The following SLC30A8 variants were observed in gnomAD, a reference collection of about 807,000 sequenced individuals.
The protein encoded by SLC30A8 is proton-coupled zinc antiporter SLC30A8.
A neutral mutation model predicts 36.9 loss-of-function variants in SLC30A8; 27 were observed. The observed-to-expected ratio is 0.73, with a 90% confidence interval of 0.54 to 1.01. The LOEUF is 1.01. SLC30A8 is among the 50% of genes least tolerant of loss of function. The pLI is 0.00. For synonymous variants in SLC30A8, 164 were observed against 172.4 expected, an observed-to-expected ratio of 0.95 and a Z score of 0.38; for missense variants, 439 against 452.0, an observed-to-expected ratio of 0.97 and a Z score of 0.26.
At chr8:117,114,855 C>A (rs183526517) in intron 2 of SLC30A8, among the ~76,000 whole-genome samples, 2,217 of 152,098 alleles carry the variant, frequency 0.015, 47 homozygotes, top group African/African-American at 0.047. Flanking sequence ...ATACTTTAGG[C>A]TCTGTAAGTT....
At chr8:117,101,452 T>C (rs931361387) in intron 2 of SLC30A8, among the ~76,000 whole-genome samples, 1 of 152,174 alleles carries the variant, frequency 6.6e-6, no homozygotes, top group African/African-American at 2.4e-5. Context: ...ATACTGCCTG[T>C]GATCAGCCAC....
chr8:117,085,529 G>T (rs934555349), intron 2 of SLC30A8, among the ~76,000 whole-genome samples: 1 of 152,162 alleles, frequency 6.6e-6, no homozygotes, highest in Non-Finnish European at 1.5e-5. Context: ...ATCTTAGAAT[G>T]TCATGGGACA....
chr8:117,092,293 A>C (rs1201878806), intron 2 of SLC30A8, among the ~76,000 whole-genome samples: 1 of 152,222 alleles, frequency 6.6e-6, no homozygotes, highest in Non-Finnish European at 1.5e-5. Context: ...ATTGCATGAT[A>C]TAAAGATAAA....
At chr8:117,114,251 G>C (rs1400169385) in intron 2 of SLC30A8, among the ~76,000 whole-genome samples, 2 of 152,068 alleles carry the variant, frequency 1.3e-5, no homozygotes, top group Non-Finnish European at 2.9e-5. Flanking sequence ...AATGAGATTA[G>C]GATTTGAATG....
intron 2 of SLC30A8, among the ~76,000 whole-genome samples, chr8:117,090,617 G>A (rs1563588859): frequency 6.6e-6 from 1 of 152,176 alleles, no homozygotes; most frequent in Non-Finnish European, 1.5e-5. Flanking sequence ...TCCCATTAAT[G>A]AGGGTTCTGC....
At chr8:117,044,686 T>G (rs1276113703) in intron 2 of SLC30A8, among the ~76,000 whole-genome samples, 1 of 152,202 alleles carries the variant, frequency 6.6e-6, no homozygotes, top group Non-Finnish European at 1.5e-5. Context: ...AATAGGGCTC[T>G]CTTCTTTTTA....
chr8:117,148,103 T>G (rs1350111803), intron 2 of SLC30A8, among the ~76,000 whole-genome samples: 1 of 152,100 alleles, frequency 6.6e-6, no homozygotes, highest in Non-Finnish European at 1.5e-5. Context: ...AGAGATGTTT[T>G]AAATTTTATA....
intron 2 of SLC30A8, among the ~76,000 whole-genome samples, chr8:117,069,679 G>T (rs1454307100): frequency 6.6e-6 from 1 of 152,136 alleles, no homozygotes; most frequent in Non-Finnish European, 1.5e-5. Context: ...TATCATGAAG[G>T]CTGGGTTTGA....
chr8:117,127,853 A>G (rs561749692), intron 2 of SLC30A8, among the ~76,000 whole-genome samples: 2 of 152,182 alleles, frequency 1.3e-5, no homozygotes, highest in South Asian at 2.1e-4. Context: ...ATGAATTTAT[A>G]TACTTTAAGG....
intron 1 of SLC30A8, among the ~76,000 whole-genome samples, chr8:117,016,306 T>C (rs1294946646): frequency 6.6e-6 from 1 of 152,190 alleles, no homozygotes; most frequent in African/African-American, 2.4e-5. Context: ...GAAGTCGATA[T>C]TGAATCAAAG....
intron 2 of SLC30A8, among the ~76,000 whole-genome samples, chr8:117,090,949 T>C (rs1819093296): frequency 6.6e-6 from 1 of 152,202 alleles, no homozygotes; most frequent in African/African-American, 2.4e-5. Flanking sequence ...ACCTGACATA[T>C]AAAGTAGGTG....
intron 1 of SLC30A8, among the ~76,000 whole-genome samples, chr8:116,985,990 C>T (rs992516167): frequency 1.3e-5 from 2 of 152,178 alleles, no homozygotes; most frequent in African/African-American, 4.8e-5. Context: ...AGTCTTTACA[C>T]TCTGGAAAAC....
chr8:117,028,633 T>A (rs1816944254), intron 1 of SLC30A8, among the ~76,000 whole-genome samples: 1 of 151,776 alleles, frequency 6.6e-6, no homozygotes, highest in African/African-American at 2.4e-5. Context: ...AGTAGAAATA[T>A]AATTCTTGTA....
At chr8:117,077,819 C>T (rs747884897) in intron 2 of SLC30A8, among the ~76,000 whole-genome samples, 26 of 152,242 alleles carry the variant, frequency 1.7e-4, no homozygotes, top group African/African-American at 4.6e-4. Flanking sequence ...CTTTCTAGAG[C>T]GAGTCAAAGA....
At position 117,172,603 on chromosome 8, in the gene SLC30A8, G is replaced by A. The variant is rs751562383; in HGVS notation, c.1032G>A (p.Met344Ile). ...AAGCCCTTAGCAAAAGCTTTACGATGCACTCACTCACCATTCAGATGGAAT... is the reference window on the plus strand; with the variant it reads ...AAGCCCTTAGCAAAAGCTTTACGATACACTCACTCACCATTCAGATGGAAT... ...IAKALSKSFT[M>I]HSLTIQMESP... Residue 344 changes from methionine (M) to isoleucine (I), a missense_variant, in exon 8 of 8, where the codon ATG becomes ATA. Coordinates refer to ENST00000456015, the MANE Select transcript of SLC30A8 (RefSeq NM_173851.3). The A allele has an allele frequency of 9.3e-6, 15 of 1,613,764 alleles. No homozygotes were observed. The Admixed American group carries it at 1.2e-4, about 13-fold the overall frequency.
intron 2 of SLC30A8, among the ~76,000 whole-genome samples, chr8:117,095,842 A>C (rs1049394771): frequency 2.6e-5 from 4 of 152,250 alleles, no homozygotes; most frequent in Non-Finnish European, 5.9e-5. Flanking sequence ...TTAACTGATC[A>C]TAAACTTATA....
chr8:116,982,788 GGGC>G (rs1265948447), intron 1 of SLC30A8, among the ~76,000 whole-genome samples: 1 of 152,030 alleles, frequency 6.6e-6, no homozygotes, highest in East Asian at 1.9e-4. Flanking sequence ...CTAGGTAAAG[GGGC>G]ACATATATTT....
chr8:117,111,571 G>A (rs574196901), intron 2 of SLC30A8, among the ~76,000 whole-genome samples: 2 of 152,264 alleles, frequency 1.3e-5, no homozygotes, highest in South Asian at 2.1e-4. Flanking sequence ...GACTGTGATA[G>A]TTTAGCTTTG....
intron 2 of SLC30A8, among the ~76,000 whole-genome samples, chr8:117,063,800 G>A (rs1450595280): frequency 2.0e-5 from 3 of 152,108 alleles, no homozygotes; most frequent in African/African-American, 7.2e-5. Flanking sequence ...GAAAATAGGA[G>A]TTGAGACACA....
Sources: allele counts gnomAD v4.1 joint callset (sites outside exome capture counted in the v4.1 genomes callset), GRCh38; gene constraint gnomAD v4.1.1; transcripts MANE v1.5; gene names NCBI Gene and HGNC (gene_info 2026-07-23, HGNC 2026-07-21).